Variants in MARCHF1 observed in about 807,000 individuals in gnomAD.
MARCHF1 encodes the protein E3 ubiquitin-protein ligase MARCHF1.
A neutral mutation model predicts 54.2 loss-of-function variants in MARCHF1; 40 were observed. The ratio of observed to expected loss-of-function variants is 0.74; its 90% confidence interval spans 0.57 to 0.96. MARCHF1 has a LOEUF of 0.96. Among genes scored for constraint, MARCHF1 ranks in the 40% least tolerant of loss-of-function variants. MARCHF1 has a pLI of 0.00. For missense variants in MARCHF1, 586 were observed against 656.5 expected, an observed-to-expected ratio of 0.89 and a Z score of 1.17; for synonymous variants, 236 against 236.3, an observed-to-expected ratio of 1.00 and a Z score of 0.01.
chr4:164,022,572 C>G (rs1468676643), intron 2 of MARCHF1, among the ~76,000 whole-genome samples: 1 of 152,252 alleles, frequency 6.6e-6, no homozygotes, highest in Non-Finnish European at 1.5e-5. Flanking sequence ...AAAGGTCACC[C>G]TGTATCTACC....
At position 163,612,283 on chromosome 4, in the gene MARCHF1, A is replaced by G; in HGVS notation, c.998T>C (p.Leu333Ser). The stretch of plus-strand genomic sequence containing the variant: ...TACAGTGACTGACCTGCATACTTCT[A>G]AATTATCAGACCCATCGTCATAGGT... ...PATYDDGSDN[L>S]EVCRICHCEG... The change falls in exon 7 of 10, where the codon TTA (leucine) becomes TCA (serine). Residue 333 changes from leucine (L) to serine (S), a missense_variant. Around this residue, in one of 3 missense-constraint regions of MARCHF1, gnomAD observed 387 missense variants for 394.6 expected, o/e 0.98. Coordinates refer to ENST00000514618, the MANE Select transcript of MARCHF1 (RefSeq NM_001394959.1). The G allele has an allele frequency of 6.6e-7, 1 of 1,504,258 alleles. No individual in the cohort carries two copies. Among genetic ancestry groups the G allele is most frequent in the Non-Finnish European group, 8.8e-7 (1 of 1,135,820 alleles). 93.2% of individuals were successfully genotyped at this position (1,504,258 alleles called of 1,614,324 possible).
At chr4:163,961,234 C>T (rs144786005) in intron 3 of MARCHF1, among the ~76,000 whole-genome samples, 1 of 151,940 alleles carries the variant, frequency 6.6e-6, no homozygotes, top group East Asian at 1.9e-4. Context: ...AAACACTCAT[C>T]TATAGAATAG....
chr4:164,297,512 A>G (rs1056409966), intron 1 of MARCHF1, among the ~76,000 whole-genome samples: 1 of 152,170 alleles, frequency 6.6e-6, no homozygotes, highest in Non-Finnish European at 1.5e-5. Flanking sequence ...AGTACTCCTC[A>G]AAGCTGTAAA....
chr4:163,815,039 C>T (rs1054906438), intron 4 of MARCHF1, among the ~76,000 whole-genome samples: 1 of 151,982 alleles, frequency 6.6e-6, no homozygotes, highest in East Asian at 1.9e-4. Flanking sequence ...AAGAAATATA[C>T]CTGGTTTGTT....
chr4:163,710,007 C>T (rs866881437), intron 4 of MARCHF1, among the ~76,000 whole-genome samples: 13 of 152,120 alleles, frequency 8.5e-5, no homozygotes, highest in African/African-American at 2.2e-4. Flanking sequence ...TTTTGCACTA[C>T]GTAGAATTTT....
In MARCHF1 at chr4:164,174,914, G is replaced by A. The variant is rs116551665; in HGVS notation, c.-322-63252C>T. Among the ~76,000 whole-genome samples, 540 of 151,840 alleles carry A rather than the reference G, an allele frequency of 3.6e-3. 2 individuals are homozygous for A. The highest frequency in any genetic ancestry group is 0.014 in the Middle Eastern group (4 of 294). On this transcript the variant is annotated intron_variant, in intron 1 of 9. Transcript: ENST00000514618. Reference sequence around the variant, plus strand: ...AAGAGAGTTTTTTTTGTTTTGTTTTGTTTTTCATAAAAATTGGCTATGAGA... The same window carrying A: ...AAGAGAGTTTTTTTTGTTTTGTTTTATTTTTCATAAAAATTGGCTATGAGA...
intron 4 of MARCHF1, among the ~76,000 whole-genome samples, chr4:163,801,729 C>T (rs183097262): frequency 1.1e-4 from 17 of 152,160 alleles, no homozygotes; most frequent in Admixed American, 8.5e-4. Context: ...CATCACCTTC[C>T]GTTAATTTTG....
chr4:164,244,801 A>T (rs1732888099), intron 1 of MARCHF1, among the ~76,000 whole-genome samples: 2 of 152,174 alleles, frequency 1.3e-5, no homozygotes, highest in Non-Finnish European at 2.9e-5. Flanking sequence ...ACAGAAATAC[A>T]AAGTACCATC....
At chr4:164,023,611 T>C (rs1428887419) in intron 2 of MARCHF1, among the ~76,000 whole-genome samples, 1 of 152,110 alleles carries the variant, frequency 6.6e-6, no homozygotes, top group African/African-American at 2.4e-5. Context: ...ACAATACAGT[T>C]AAAAAGAACA....
intron 1 of MARCHF1, among the ~76,000 whole-genome samples, chr4:164,115,956 T>C (rs990163375): frequency 1.4e-5 from 2 of 147,668 alleles, no homozygotes; most frequent in Admixed American, 6.9e-5. Flanking sequence ...AAATTTGCTC[T>C]CCTATCTCTA....
At chr4:163,821,305 A>G (rs1196041635) in intron 4 of MARCHF1, among the ~76,000 whole-genome samples, 1 of 151,966 alleles carries the variant, frequency 6.6e-6, no homozygotes, top group Non-Finnish European at 1.5e-5. Context: ...TCTAGGATCC[A>G]CTGCAATTTC....
chr4:164,351,955 G>T (rs371413550), intron 1 of MARCHF1, among the ~76,000 whole-genome samples: 25 of 146,498 alleles, frequency 1.7e-4, no homozygotes, highest in African/African-American at 2.3e-4. Flanking sequence ...CGAGAACTAC[G>T]TGAAGAATGC....
intron 3 of MARCHF1, among the ~76,000 whole-genome samples, chr4:163,955,319 A>G (rs116252154): frequency 0.012 from 1,839 of 149,874 alleles, 35 homozygotes; most frequent in African/African-American, 0.041. Flanking sequence ...GCTCTCTCAC[A>G]TAATAGAGGA....
chr4:164,015,511 A>C (rs1490415428), intron 2 of MARCHF1, among the ~76,000 whole-genome samples: 2 of 152,202 alleles, frequency 1.3e-5, no homozygotes, highest in African/African-American at 4.8e-5. Context: ...TAACAAACTG[A>C]AAAGACAGCA....
chr4:164,098,555 T>C (rs1436459593), intron 2 of MARCHF1, among the ~76,000 whole-genome samples: 2 of 152,192 alleles, frequency 1.3e-5, no homozygotes, highest in Admixed American at 1.3e-4. Context: ...ACTTCAATCT[T>C]ATTCTGGGAT....
chr4:164,221,461 C>T lies in MARCHF1; in HGVS notation c.-322-109799G>A, dbSNP rs530520497. On this transcript the variant is annotated intron_variant, in intron 1 of 9. Transcript: ENST00000514618. ...TAAAGAAAGAGTAGAAAATAAAATT[C>T]ATTAAAAAATTAACGAATTCCCTAC... is the stretch of plus-strand genomic sequence containing the variant. 7.9e-5 allele frequency among the ~76,000 whole-genome samples: 12 copies of T among 151,808 alleles called. No homozygotes were observed. In the South Asian group the frequency reaches 2.5e-3, roughly 32 times the overall value.
At chr4:163,912,890 G>A (rs80353885) in intron 3 of MARCHF1, among the ~76,000 whole-genome samples, 2,898 of 152,190 alleles carry the variant, frequency 0.019, 83 homozygotes, top group African/African-American at 0.061. Context: ...TAAAAAATAC[G>A]AAGAGCTTCA....
At chr4:164,287,346 C>T (rs1481931034) in intron 1 of MARCHF1, among the ~76,000 whole-genome samples, 1 of 151,988 alleles carries the variant, frequency 6.6e-6, no homozygotes, top group Admixed American at 6.6e-5. Context: ...TATTACGTTC[C>T]TTGCCTGTCA....
intron 1 of MARCHF1, among the ~76,000 whole-genome samples, chr4:164,186,473 C>T (rs756822458): frequency 2.6e-5 from 4 of 152,188 alleles, no homozygotes; most frequent in Admixed American, 6.5e-5. Context: ...AGCAGCAATG[C>T]ACTCTATGAG....
Sources: gnomAD v4.1 joint callset for allele counts (sites outside exome capture counted in the v4.1 genomes callset) on GRCh38, gnomAD v4.1.1 for gene constraint, gnomAD v4.1.1 regional missense constraint, MANE v1.5 for transcripts, NCBI Gene and HGNC (gene_info 2026-07-23, HGNC 2026-07-21) for gene names.